SBF2: variants seen among roughly 807,000 people sequenced by gnomAD.
SBF2 encodes myotubularin-related protein 13.
Under a neutral mutation model 225.2 loss-of-function variants are expected in SBF2, and 112 were observed. That is an observed-to-expected ratio of 0.50 (90% CI 0.43 to 0.58). SBF2 has a LOEUF of 0.58. Among genes scored for constraint, SBF2 ranks in the 20% least tolerant of loss-of-function variants. The probability of loss-of-function intolerance (pLI) is 0.00; values close to 1 mark genes in which losing one functional copy is unlikely to be tolerated. For missense variants in SBF2, 1,996 were observed against 2,206.2 expected (o/e 0.90, Z 1.91); for synonymous variants, 763 against 773.3 (o/e 0.99, Z 0.22).
chr11:9,813,477 G>A (rs374476001), intron 29 of SBF2, among the ~76,000 whole-genome samples: 2 of 152,128 alleles, frequency 1.3e-5, no homozygotes, highest in South Asian at 2.1e-4. Context: ...ACAGTCGTGC[G>A]CCACCATACC....
At chr11:10,274,580 G>T (rs955494049) in intron 1 of SBF2, among the ~76,000 whole-genome samples, 19 of 152,096 alleles carry the variant, frequency 1.2e-4, no homozygotes, top group African/African-American at 4.6e-4. Flanking sequence ...GTGAAACACT[G>T]TCTCTACTAA....
intron 22 of SBF2, 118 bp from the exon 23 acceptor site, chr11:9,847,201 G>A (rs1285803431): frequency 7.9e-7 from 1 of 1,257,938 alleles, no homozygotes; most frequent in African/African-American, 1.5e-5. Flanking sequence ...ACACTGCCCA[G>A]GGATGCAGTG....
chr11:10,266,716 C>T (rs559374542), intron 1 of SBF2, among the ~76,000 whole-genome samples: 9 of 152,284 alleles, frequency 5.9e-5, no homozygotes, highest in African/African-American at 2.2e-4. Context: ...ACAGAAGCTC[C>T]AATTTTAACA....
chr11:9,986,675 G>C (rs2134451089), intron 13 of SBF2, among the ~76,000 whole-genome samples: 1 of 152,162 alleles, frequency 6.6e-6, no homozygotes, highest in East Asian at 1.9e-4. Context: ...AGAAAACCTA[G>C]AAGAGATTGA....
At chr11:10,088,846 C>T (rs1467924933) in intron 2 of SBF2, among the ~76,000 whole-genome samples, 1 of 152,146 alleles carries the variant, frequency 6.6e-6, no homozygotes, top group Non-Finnish European at 1.5e-5. Context: ...ATGAGAAACA[C>T]CAAAAAGTAA....
At chr11:10,236,892 G>A (rs1959098243) in intron 1 of SBF2, among the ~76,000 whole-genome samples, 1 of 152,150 alleles carries the variant, frequency 6.6e-6, no homozygotes, top group African/African-American at 2.4e-5. Context: ...GGATAAATCT[G>A]ATTAAAGGCA....
chr11:10,225,424 G>A (rs985403466), intron 1 of SBF2, among the ~76,000 whole-genome samples: 1 of 150,572 alleles, frequency 6.6e-6, no homozygotes, highest in Non-Finnish European at 1.5e-5. Flanking sequence ...AAAAAAACCC[G>A]TCGTCTAAGT....
chr11:9,960,053 T>C (rs1313667285), intron 16 of SBF2: 3 of 259,906 alleles, frequency 1.2e-5, no homozygotes, highest in Non-Finnish European at 2.3e-5. Context: ...TGGCTATTGA[T>C]AGGCGCAATT....
intron 17 of SBF2, among the ~76,000 whole-genome samples, chr11:9,890,795 C>T (rs757711374): frequency 1.3e-5 from 2 of 152,130 alleles, no homozygotes; most frequent in Non-Finnish European, 2.9e-5. Flanking sequence ...AGAACCACAA[C>T]AGGGTGACCC....
chr11:9,852,628 T>C (rs1857036652), intron 21 of SBF2, 48 bp downstream of exon 21: 2 of 1,394,940 alleles, frequency 1.4e-6, no homozygotes, highest in South Asian at 1.2e-5. Flanking sequence ...CTATTGTTTG[T>C]TTTTAAGAAG....
chr11:9,954,530 G>T (rs1255463145), intron 16 of SBF2, among the ~76,000 whole-genome samples: 3 of 152,074 alleles, frequency 2.0e-5, no homozygotes, highest in Non-Finnish European at 4.4e-5. Flanking sequence ...TCTATACAAC[G>T]TTCAACAACA....
intron 1 of SBF2, among the ~76,000 whole-genome samples, chr11:10,281,831 A>C (rs1963426004): frequency 6.6e-6 from 1 of 152,212 alleles, no homozygotes. Context: ...GAGTAACTTT[A>C]AAAGAAAAAC....
At chr11:10,135,624 G>A (rs912670884) in intron 2 of SBF2, among the ~76,000 whole-genome samples, 10 of 152,116 alleles carry the variant, frequency 6.6e-5, no homozygotes, top group African/African-American at 2.4e-4. Context: ...AATCTCTAGG[G>A]CAGGGGCAAT....
At chr11:10,179,195 A>G (rs61192802) in intron 2 of SBF2, among the ~76,000 whole-genome samples, 39,613 of 142,712 alleles carry the variant, frequency 0.28, 5,566 homozygotes, top group Middle Eastern at 0.36. Context: ...GGACTGTTGT[A>G]TGGTGGGGGG....
Position 10,018,323 on chromosome 11 carries a change from G to A in SBF2, c.619+10129C>T, listed in dbSNP as rs78272700. On this transcript the variant is annotated intron_variant, in intron 6 of 39. Coordinates refer to ENST00000256190, the MANE Select transcript of SBF2 (RefSeq NM_030962.4). ...GAAGACGAAAGACTGGTAAATAAAC[G>A]GTTAAAACATAAAATAATAGAGCTA... 3.3e-5 allele frequency among the ~76,000 whole-genome samples: 5 copies of A among 151,896 alleles called. No homozygotes were observed. The East Asian group carries it at 5.8e-4, about 18-fold the overall frequency.
chr11:10,258,754 C>T (rs1961137291), intron 1 of SBF2, among the ~76,000 whole-genome samples: 1 of 152,088 alleles, frequency 6.6e-6, no homozygotes, highest in African/African-American at 2.4e-5. Flanking sequence ...GGAATATAGC[C>T]CATTCACTAC....
intron 16 of SBF2, among the ~76,000 whole-genome samples, chr11:9,931,488 G>T (rs762992072): frequency 6.6e-6 from 1 of 152,134 alleles, no homozygotes; most frequent in Non-Finnish European, 1.5e-5. Context: ...AGGCAAACAG[G>T]GTCTGGAGTG....
At chr11:9,835,830 CTG>C (rs1038934608) in intron 26 of SBF2, among the ~76,000 whole-genome samples, 7 of 151,908 alleles carry the variant, frequency 4.6e-5, no homozygotes, top group Non-Finnish European at 8.8e-5. Context: ...CTGTATTTCA[CTG>C]TGTGAGTATG....
chr11:9,952,340 A>G (rs772021207), intron 16 of SBF2, among the ~76,000 whole-genome samples: 4 of 152,218 alleles, frequency 2.6e-5, no homozygotes, highest in Non-Finnish European at 5.9e-5. Context: ...GAATTAAGAA[A>G]GGAACTGGGA....
Sources: gnomAD v4.1 joint callset for allele counts (sites outside exome capture counted in the v4.1 genomes callset) on GRCh38, gnomAD v4.1.1 for gene constraint, MANE v1.5 for transcripts, NCBI Gene and HGNC (gene_info 2026-07-23, HGNC 2026-07-21) for gene names.